Variants in RGS6 observed in about 807,000 individuals in gnomAD.
RGS6 encodes the protein regulator of G protein signaling 6, also known as regulator of G-protein signaling 6.
Under a neutral mutation model 78.5 loss-of-function variants are expected in RGS6, and 30 were observed. The ratio of observed to expected loss-of-function variants is 0.38; its 90% CI spans 0.29 to 0.52. The LOEUF is 0.52. Among genes scored for constraint, RGS6 ranks in the 20% least tolerant of loss-of-function variants. RGS6 has a pLI of 0.85. For missense variants in RGS6, 495 were observed against 609.7 expected (o/e 0.81, Z 1.98); for synonymous variants, 206 against 206.0 (o/e 1.00, Z 0.00).
intron 2 of RGS6, among the ~76,000 whole-genome samples, chr14:72,121,300 G>T (rs1247418993): frequency 3.3e-5 from 5 of 152,166 alleles, no homozygotes; most frequent in Non-Finnish European, 7.3e-5. Context: ...TACCTGTATT[G>T]CCAACCTGCT....
At chr14:72,087,906 T>C (rs1343626514) in intron 2 of RGS6, among the ~76,000 whole-genome samples, 1 of 152,146 alleles carries the variant, frequency 6.6e-6, no homozygotes, top group South Asian at 2.1e-4. Context: ...CTGGGGTCTT[T>C]AAAGTTTCTG....
At chr14:72,497,943 T>G (rs1380028632) in intron 13 of RGS6, among the ~76,000 whole-genome samples, 1 of 152,126 alleles carries the variant, frequency 6.6e-6, no homozygotes, top group Non-Finnish European at 1.5e-5. Context: ...ATCTTTTATA[T>G]TTTCTCTATT....
intron 2 of RGS6, among the ~76,000 whole-genome samples, chr14:72,295,544 A>G (rs536418602): frequency 3.9e-5 from 6 of 152,322 alleles, no homozygotes; most frequent in African/African-American, 1.4e-4. Context: ...CAACGGAGGC[A>G]AAATGAAATA....
intron 2 of RGS6, among the ~76,000 whole-genome samples, chr14:72,152,201 A>G (rs545375074): frequency 3.3e-5 from 5 of 151,708 alleles, no homozygotes; most frequent in African/African-American, 1.2e-4. Context: ...TGTTCTTCAG[A>G]TATTTCAAGG....
At chr14:72,612,365 T>C in the RGS6 span, 1 of 461,194 alleles carries the variant, frequency 2.2e-6, no homozygotes, top group African/African-American at 2.0e-5. Flanking sequence ...CCCCACCTCC[T>C]CTGCTCTGAG....
chr14:72,506,920 A>G (rs7157796), intron 13 of RGS6, among the ~76,000 whole-genome samples: 97,278 of 147,356 alleles, frequency 0.66, 32,519 homozygotes, highest in East Asian at 0.96. Context: ...AGGCCGAGGC[A>G]GGTGGATCAC....
intron 3 of RGS6, among the ~76,000 whole-genome samples, chr14:72,380,406 A>T (rs894652164): frequency 1.3e-5 from 2 of 152,140 alleles, no homozygotes; most frequent in African/African-American, 4.8e-5. Context: ...AATATATTCA[A>T]ACTTTTCATC....
Position 72,360,412 on chromosome 14 carries a change from C to T in RGS6, c.184+8218C>T, listed in dbSNP as rs1566623762. Among the ~76,000 whole-genome samples, 15 of 152,046 alleles carry T rather than the reference C, an allele frequency of 9.9e-5. No individual in the cohort carries two copies. The South Asian group carries it at 3.1e-3, about 32-fold the overall frequency. On this transcript the variant is annotated intron_variant, in intron 3 of 17. Transcript: ENST00000553525. ...TGGCGGGCACCTGTAGTCCCAGCTA[C>T]TCGGGAGGCTGAGGCAGGAGAATGG...
chr14:72,582,125 C>G, the RGS6 span, among the ~76,000 whole-genome samples: 1 of 152,188 alleles, frequency 6.6e-6, no homozygotes, highest in South Asian at 2.1e-4. Context: ...CAGGAGAAAG[C>G]ACCAAGCCAT....
chr14:71,897,831 T>C, the RGS6 span, among the ~76,000 whole-genome samples: 2 of 151,896 alleles, frequency 1.3e-5, no homozygotes, highest in African/African-American at 4.8e-5. Context: ...ATGGATTTTG[T>C]AAAAGAATGT....
chr14:72,361,083 C>CTTTTTTTTT (rs56251149), intron 3 of RGS6, among the ~76,000 whole-genome samples: 2 of 138,408 alleles, frequency 1.4e-5, no homozygotes, highest in East Asian at 2.2e-4. Flanking sequence ...AATCAAACCT[C>CTTTTTTTTT]TTTTTTTTTT....
At chr14:72,138,486 G>A (rs1184130154) in intron 2 of RGS6, among the ~76,000 whole-genome samples, 3 of 144,618 alleles carry the variant, frequency 2.1e-5, no homozygotes, top group African/African-American at 5.1e-5. Context: ...CTTTCTTGGA[G>A]GGAGAGTTCT....
intron 2 of RGS6, among the ~76,000 whole-genome samples, chr14:72,278,218 C>T (rs1030342978): frequency 1.4e-4 from 21 of 152,300 alleles, no homozygotes; most frequent in Non-Finnish European, 2.2e-4. Context: ...CATCCTTCAA[C>T]GATTCCTGAA....
chr14:72,083,955 T>C (rs542888056), intron 2 of RGS6, among the ~76,000 whole-genome samples: 9 of 152,256 alleles, frequency 5.9e-5, no homozygotes, highest in Middle Eastern at 3.4e-3. Context: ...AATCCAAGCA[T>C]TGGGAGTTGA....
chr14:71,889,820 G>A, the RGS6 span, among the ~76,000 whole-genome samples: 1 of 152,106 alleles, frequency 6.6e-6, no homozygotes, highest in Non-Finnish European at 1.5e-5. Flanking sequence ...ATGGTTTAAC[G>A]CCATCCCCTT....
the RGS6 span, among the ~76,000 whole-genome samples, chr14:72,622,525 A>G: frequency 6.8e-3 from 1,028 of 152,276 alleles, 12 homozygotes; most frequent in African/African-American, 0.024. Context: ...AATAACCCCT[A>G]CTACAGCAGT....
intron 2 of RGS6, among the ~76,000 whole-genome samples, chr14:72,304,373 C>T (rs975572134): frequency 6.6e-6 from 1 of 152,186 alleles, no homozygotes; most frequent in African/African-American, 2.4e-5. Context: ...CTTTGCTTTT[C>T]CTAATAAGTG....
chr14:72,150,092 C>G (rs955138719), intron 2 of RGS6, among the ~76,000 whole-genome samples: 1 of 152,134 alleles, frequency 6.6e-6, no homozygotes, highest in Non-Finnish European at 1.5e-5. Flanking sequence ...GAAATAGGAA[C>G]TTTGTAGATG....
intron 3 of RGS6, among the ~76,000 whole-genome samples, chr14:72,381,200 A>G (rs2085995839): frequency 6.6e-6 from 1 of 152,070 alleles, no homozygotes; most frequent in African/African-American, 2.4e-5. Flanking sequence ...TAAAGGATAC[A>G]AAATTACAGA....
Sources: allele counts gnomAD v4.1 joint callset (sites outside exome capture counted in the v4.1 genomes callset), GRCh38; gene constraint gnomAD v4.1.1; transcripts MANE v1.5; gene names NCBI Gene and HGNC (gene_info 2026-07-23, HGNC 2026-07-21).